The following RBL2 variants were observed in gnomAD, a reference collection of about 807,000 sequenced individuals.
RBL2 encodes the protein RB transcriptional corepressor like 2.
RBL2 carries 56 observed loss-of-function variants against 126.0 expected under a neutral mutation model. That is an observed-to-expected ratio of 0.44 (90% CI 0.36 to 0.56). RBL2 has a LOEUF of 0.56. RBL2 is among the 20% of genes least tolerant of loss of function. The probability of loss-of-function intolerance (pLI) is 0.00; values close to 1 mark genes in which losing one functional copy is unlikely to be tolerated. For missense variants in RBL2, 1,229 were observed against 1,398.2 expected (o/e 0.88, Z 1.93); for synonymous variants, 454 against 478.5 (o/e 0.95, Z 0.67).
At chr16:53,446,828 TTTCTTTTC>T (rs1156985503) in intron 3 of RBL2, among the ~76,000 whole-genome samples, 1 of 152,146 alleles carries the variant, frequency 6.6e-6, no homozygotes, top group Non-Finnish European at 1.5e-5. Context: ...CTTTAAGAAT[TTTCTTTTC>T]TTTGAGATGG....
chr16:53,462,981 T>C (rs565739494), intron 11 of RBL2, among the ~76,000 whole-genome samples: 1 of 152,166 alleles, frequency 6.6e-6, no homozygotes, highest in South Asian at 2.1e-4. Context: ...GCTGGGATTA[T>C]AGGCATGTGC....
At chr16:53,439,589 CAT>C (rs2057994404) in intron 2 of RBL2, among the ~76,000 whole-genome samples, 2 of 152,084 alleles carry the variant, frequency 1.3e-5, no homozygotes, top group African/African-American at 4.8e-5. Context: ...GGATAAATGA[CAT>C]GATTATAATC....
At chr16:53,483,744 T>C (rs1961046465) in intron 21 of RBL2, among the ~76,000 whole-genome samples, 1 of 151,848 alleles carries the variant, frequency 6.6e-6, no homozygotes, top group African/African-American at 2.4e-5. Flanking sequence ...TACAAAAAAA[T>C]TAGCCGGGCA....
At chr16:53,449,868 C>T (rs1028849945) in intron 4 of RBL2, among the ~76,000 whole-genome samples, 1 of 151,428 alleles carries the variant, frequency 6.6e-6, no homozygotes, top group Admixed American at 6.6e-5. Context: ...ATAGAAAATA[C>T]GTCATGTTGA....
intron 1 of RBL2, 95 bp downstream of exon 1, chr16:53,434,891 T>C (rs1598081039): frequency 7.2e-7 from 1 of 1,390,726 alleles, no homozygotes; most frequent in Non-Finnish European, 9.3e-7. Context: ...CTCGGGCGGG[T>C]TGCGGGCTCC....
chr16:53,463,635 G>A (rs185466297), intron 11 of RBL2, among the ~76,000 whole-genome samples: 96 of 139,926 alleles, frequency 6.9e-4, no homozygotes, highest in African/African-American at 2.5e-3. Flanking sequence ...GTGGTGCAAC[G>A]TCGGCTTACT....
chr16:53,469,307 TA>T (rs1555568401), intron 14 of RBL2, among the ~76,000 whole-genome samples: 1 of 152,242 alleles, frequency 6.6e-6, no homozygotes, highest in Non-Finnish European at 1.5e-5. Flanking sequence ...TTATGGTATA[TA>T]AACTGTTTTA....
chr16:53,434,807 G>C lies in RBL2; in HGVS notation c.240+11G>C, dbSNP rs2057939672. ...AGCTACACGCTGGAGGTGCGCTCGCGGGCGGAGGGGCGCTTCCGGCCTAGT... is the reference window on the plus strand; with the variant it reads ...AGCTACACGCTGGAGGTGCGCTCGCCGGCGGAGGGGCGCTTCCGGCCTAGT... On this transcript the variant is annotated intron_variant, in intron 1 of 21. Transcript: ENST00000262133. 6.7e-6 allele frequency: 10 copies of C among 1,485,660 alleles called. No homozygotes were observed. The highest frequency in any genetic ancestry group is 9.0e-6 in the Non-Finnish European group (10 of 1,115,406). 92.0% of individuals were successfully genotyped at this position (1,485,660 alleles called of 1,614,324 possible).
intron 2 of RBL2, among the ~76,000 whole-genome samples, chr16:53,442,003 G>A (rs2058020950): frequency 6.6e-6 from 1 of 152,076 alleles, no homozygotes. Context: ...TGTATTTTTA[G>A]TAGAGATCGG....
intron 12 of RBL2, chr16:53,464,572 G>A: frequency 2.5e-6 from 1 of 406,628 alleles, no homozygotes; most frequent in East Asian, 4.2e-5. Flanking sequence ...TTGGGTAAAA[G>A]CTTTGATTCC....
intron 8 of RBL2, among the ~76,000 whole-genome samples, chr16:53,458,314 G>A (rs897688491): frequency 1.3e-5 from 2 of 152,172 alleles, no homozygotes; most frequent in Admixed American, 6.5e-5. Flanking sequence ...ACATTGTTAA[G>A]CTATCTTAAC....
At chr16:53,437,231 A>C (rs767739649) in intron 1 of RBL2, among the ~76,000 whole-genome samples, 2 of 152,020 alleles carry the variant, frequency 1.3e-5, no homozygotes, top group African/African-American at 2.4e-5. Context: ...TATGCATCTA[A>C]ATTTGCTTTT....
At chr16:53,471,490 A>G (rs998135378) in intron 17 of RBL2, among the ~76,000 whole-genome samples, 3 of 150,396 alleles carry the variant, frequency 2.0e-5, no homozygotes, top group African/African-American at 7.3e-5. Context: ...TTTTTTTGAG[A>G]TGTTGTTTCA....
intron 18 of RBL2, chr16:53,479,539 A>G: frequency 2.1e-6 from 1 of 482,718 alleles, no homozygotes. Flanking sequence ...GGTTTAACCA[A>G]CAGAATGTCA....
At chr16:53,449,624 C>T (rs1214926474) in intron 4 of RBL2, 2 of 149,866 alleles carry the variant, frequency 1.3e-5, no homozygotes. Flanking sequence ...GGTCCTCTCA[C>T]AGTCCACCAC....
At chr16:53,454,395 G>T in intron 7 of RBL2, 1 of 397,598 alleles carries the variant, frequency 2.5e-6, no homozygotes. Flanking sequence ...AGTAGAGACA[G>T]GGTTTCACCA....
Position 53,461,756 on chromosome 16 carries a change from T to A in RBL2, c.1362T>A (p.Asp454Glu). 6.2e-7 allele frequency: 1 copy of A among 1,600,626 alleles called. No homozygotes were observed. The highest frequency in any genetic ancestry group is 1.1e-5 in the South Asian group (1 of 88,552). The change falls in exon 10 of 22, where the codon GAT becomes GAA. Residue 454 changes from aspartate (D) to glutamate (E), a missense_variant. Physicochemically the swap from Asp to Glu is conservative, Grantham distance 45. Coordinates refer to ENST00000262133, the MANE Select transcript of RBL2 (RefSeq NM_005611.4). Reference sequence around the variant, plus strand: ...CCTTTTTTAGGACATGTTCCAGAGATCCAACCCAGGCTATTGCTAACAGAC... The same window carrying A: ...CCTTTTTTAGGACATGTTCCAGAGAACCAACCCAGGCTATTGCTAACAGAC... Reference protein sequence around the residue: ...LEQILRTCSRDPTQAIANRLK... With the variant: ...LEQILRTCSREPTQAIANRLK...
rs1051139712 is a variant in RBL2 at position 53,486,127 on chromosome 16, A to G, written c.3250-4003A>G. Among the ~76,000 whole-genome samples the G allele has an allele frequency of 1.7e-4, 8 of 46,528 alleles. No homozygotes were observed. The South Asian group carries it at 2.1e-3, about 12-fold the overall frequency. 30.5% of individuals were successfully genotyped at this position (46,528 alleles called of 152,430 possible). A position where few individuals can be genotyped will look rare whatever the true frequency, so the allele number is the denominator to read the frequency against. On this transcript the variant is annotated intron_variant, in intron 21 of 21. Coordinates refer to ENST00000262133, the MANE Select transcript of RBL2 (RefSeq NM_005611.4). ...CAACATAGCAAGACCTTGTCTCTGAAAAAAAAAAAAAAAAAAAAGCCAGGT... is the reference window on the plus strand; with the variant it reads ...CAACATAGCAAGACCTTGTCTCTGAGAAAAAAAAAAAAAAAAAAGCCAGGT...
intron 3 of RBL2, chr16:53,443,198 A>G (rs2058031901): frequency 6.4e-6 from 1 of 156,546 alleles, no homozygotes; most frequent in Non-Finnish European, 1.4e-5. Flanking sequence ...AGTCAGACTT[A>G]GGGATTTTCA....
Sources: gnomAD v4.1 joint callset for allele counts (sites outside exome capture counted in the v4.1 genomes callset) on GRCh38, gnomAD v4.1.1 for gene constraint, MANE v1.5 for transcripts, NCBI Gene and HGNC (gene_info 2026-07-23, HGNC 2026-07-21) for gene names.